NOTCH2NLB: variants seen among roughly 807,000 people sequenced by gnomAD.
The protein encoded by NOTCH2NLB is notch 2 N-terminal like B.
Under a neutral mutation model 14.8 loss-of-function variants are expected in NOTCH2NLB, and 1 was observed. That is an observed-to-expected ratio of 0.07 (90% CI 0.02 to 0.32). The LOEUF is 0.32. Ranked by LOEUF, NOTCH2NLB falls within the 10% of genes least tolerant of loss-of-function variation. NOTCH2NLB has a pLI of 1.00. For missense variants in NOTCH2NLB, 11 were observed against 155.0 expected (o/e 0.07, Z 4.93); for synonymous variants, 6 against 57.5 (o/e 0.10, Z 4.05).
In NOTCH2NLB at chr1:148,609,090, AATT is replaced by A. The variant is rs1185385681; in HGVS notation, c.338-1348_338-1346del. On this transcript the variant is annotated intron_variant, in intron 3 of 4. Coordinates refer to ENST00000593495, the Ensembl canonical transcript of NOTCH2NLB. ...AAACTACAGAGATAAGAACTCCTTGAATTATTATTATTATTATTATTATACTTT... is the reference window on the plus strand; with the variant it reads ...AAACTACAGAGATAAGAACTCCTTGAATTATTATTATTATTATTATACTTT... 5.3e-3 allele frequency among the ~76,000 whole-genome samples: 716 copies of A among 135,322 alleles called. 30 individuals are homozygous for A. The highest frequency in any genetic ancestry group is 0.018 in the African/African-American group (613 of 34,280). 88.8% of individuals were successfully genotyped at this position (135,322 alleles called of 152,430 possible). A position where few individuals can be genotyped will look rare whatever the true frequency, so the allele number is the denominator to read the frequency against.
the NOTCH2NLB span, among the ~76,000 whole-genome samples, chr1:148,684,941 A>T: frequency 1.4e-5 from 2 of 140,518 alleles, no homozygotes; most frequent in Non-Finnish European, 3.2e-5. Context: ...AAAAAAAAAA[A>T]CTTACCTAGA....
chr1:148,699,977 C>A, the NOTCH2NLB span, among the ~76,000 whole-genome samples: 1 of 91,002 alleles, frequency 1.1e-5, no homozygotes, highest in Non-Finnish European at 2.4e-5. Context: ...ATCCCGTCAC[C>A]TGCTTATTAA....
chr1:148,693,161 G>A, the NOTCH2NLB span, among the ~76,000 whole-genome samples: 4 of 140,654 alleles, frequency 2.8e-5, no homozygotes, highest in Non-Finnish European at 4.5e-5. Flanking sequence ...TCTGATTGTT[G>A]TGGTGACCAG....
chr1:148,627,504 T>C (rs1280841033), intron 2 of NOTCH2NLB, among the ~76,000 whole-genome samples: 3 of 137,078 alleles, frequency 2.2e-5, no homozygotes, highest in South Asian at 2.6e-4. Context: ...CACTGAGAAA[T>C]TGTTTCATCT....
chr1:148,604,800 G>A (rs1663455285), downstream of NOTCH2NLB, among the ~76,000 whole-genome samples: 1 of 132,108 alleles, frequency 7.6e-6, no homozygotes, highest in Admixed American at 7.4e-5. Context: ...TTTATTCACA[G>A]TGTCACTGCA....
At chr1:148,670,529 T>TAAA (rs1222724470) in intron 1 of NOTCH2NLB, among the ~76,000 whole-genome samples, 79 of 96,026 alleles carry the variant, frequency 8.2e-4, no homozygotes, top group African/African-American at 2.7e-3. Context: ...GTTCATAAAC[T>TAAA]AAAAAAAAAA....
In NOTCH2NLB at chr1:148,679,731, C is replaced by T; in HGVS notation, c.-267G>A. 2 of 993,016 alleles carry T rather than the reference C, an allele frequency of 2.0e-6. 1 individual carries two copies. The highest frequency in any genetic ancestry group is 2.5e-6 in the Non-Finnish European group (2 of 786,816). The allele number at this position is 993,016 out of a possible 1,614,324, so 61.5% of individuals were successfully genotyped here. A position where few individuals can be genotyped will look rare whatever the true frequency, so the allele number is the denominator to read the frequency against. On this transcript the variant is annotated 5_prime_UTR_variant, in exon 1 of 5. Coordinates refer to ENST00000593495, the Ensembl canonical transcript of NOTCH2NLB. ...GCCGCTCCTCGGCCGCCGCCTCAGC[C>T]GCCCGAAGTTTGGCTGAAACTTTCT...
chr1:148,604,950 TACAC>T (rs1186780760), downstream of NOTCH2NLB, among the ~76,000 whole-genome samples: 27,942 of 126,360 alleles, frequency 0.22, 3,008 homozygotes, highest in East Asian at 0.52. Context: ...CAACGCCATA[TACAC>T]ACACACACAC....
upstream of NOTCH2NLB, chr1:148,679,780 G>A (rs1664901034): frequency 3.6e-6 from 2 of 563,112 alleles, 1 homozygote. Context: ...AAGCAGCCTC[G>A]TGTGTCCTTC....
intron 2 of NOTCH2NLB, among the ~76,000 whole-genome samples, chr1:148,630,944 T>C (rs1356276266): frequency 7.9e-5 from 10 of 126,410 alleles, no homozygotes; most frequent in Non-Finnish European, 8.1e-5. Flanking sequence ...TTCTGTCTAT[T>C]CACAATACCC....
At chr1:148,707,930 G>T in the NOTCH2NLB span, among the ~76,000 whole-genome samples, 1 of 82,170 alleles carries the variant, frequency 1.2e-5, no homozygotes, top group African/African-American at 4.9e-5. Context: ...TTTCATTTTT[G>T]CTCCTCCCCT....
intron 2 of NOTCH2NLB, among the ~76,000 whole-genome samples, chr1:148,622,250 G>A (rs1438338641): frequency 9.8e-6 from 1 of 102,422 alleles, no homozygotes; most frequent in Non-Finnish European, 1.9e-5. Context: ...GGCGCCTGTA[G>A]TCCCAGCTAC....
rs1663910980 is a variant in NOTCH2NLB at position 148,622,606 on chromosome 1, T to C, written c.78-6656A>G. Among the ~76,000 whole-genome samples the C allele has an allele frequency of 4.6e-5, 3 of 65,122 alleles. 1 individual carries two copies. The South Asian group carries it at 2.3e-3, about 50-fold the overall frequency. The allele number at this position is 65,122 out of a possible 152,430, so 42.7% of individuals were successfully genotyped here. A position where few individuals can be genotyped will look rare whatever the true frequency, so the allele number is the denominator to read the frequency against. On this transcript the variant is annotated intron_variant, in intron 2 of 4. Transcript: ENST00000593495. ...GACCTCCTGATCTGGACACTATGCTTTTACTATTTCAGAGTAAGTTCTTAA... is the reference window on the plus strand; with the variant it reads ...GACCTCCTGATCTGGACACTATGCTCTTACTATTTCAGAGTAAGTTCTTAA...
At chr1:148,705,669 AG>A in the NOTCH2NLB span, among the ~76,000 whole-genome samples, 1 of 115,710 alleles carries the variant, frequency 8.6e-6, no homozygotes, top group East Asian at 2.4e-4. Flanking sequence ...TTCCACCTCC[AG>A]TGAGGGGCTC....
intron 1 of NOTCH2NLB, among the ~76,000 whole-genome samples, chr1:148,676,989 T>C (rs1293096847): frequency 1.8e-5 from 1 of 56,166 alleles, no homozygotes; most frequent in African/African-American, 5.4e-5. Context: ...TTAAATTTCA[T>C]CACCATCTGA....
At chr1:148,638,702 TGAA>T (rs1170006188) in intron 2 of NOTCH2NLB, among the ~76,000 whole-genome samples, 1 of 149,444 alleles carries the variant, frequency 6.7e-6, no homozygotes, top group African/African-American at 2.5e-5. Flanking sequence ...TTCACTTTAG[TGAA>T]GAAAATTATT....
chr1:148,679,381 GAGA>G, intron 1 of NOTCH2NLB, 78 bp downstream of exon 1: 2 of 665,666 alleles, frequency 3.0e-6, no homozygotes. Context: ...TTCCCACACA[GAGA>G]AGGACCGAGG....
chr1:148,608,487 G>A (rs1215910229), intron 3 of NOTCH2NLB, among the ~76,000 whole-genome samples: 1 of 152,156 alleles, frequency 6.6e-6, no homozygotes, highest in Non-Finnish European at 1.5e-5. Flanking sequence ...GTCATCCTTA[G>A]TGCCCCTCAC....
intron 1 of NOTCH2NLB, among the ~76,000 whole-genome samples, chr1:148,645,868 C>T (rs1355009459): frequency 4.0e-5 from 6 of 150,584 alleles, no homozygotes; most frequent in South Asian, 4.2e-4. Flanking sequence ...GAAAACATTT[C>T]GTCTTTTCTG....
Sources: allele counts gnomAD v4.1 joint callset (sites outside exome capture counted in the v4.1 genomes callset), GRCh38; gene constraint gnomAD v4.1.1; transcripts MANE v1.5; gene names NCBI Gene and HGNC (gene_info 2026-07-23, HGNC 2026-07-21).